PAK5: variants seen among roughly 807,000 people sequenced by gnomAD.
PAK5 encodes p21 (RAC1) activated kinase 5, also known as serine/threonine-protein kinase PAK 5.
Under a neutral mutation model 65.9 loss-of-function variants are expected in PAK5, and 16 were observed. The observed-to-expected ratio is 0.24, with a 90% CI of 0.16 to 0.37. The LOEUF (loss-of-function observed/expected upper bound fraction) is 0.37. Among genes scored for constraint, PAK5 ranks in the 10% least tolerant of loss-of-function variants. The pLI is 1.00. For missense variants in PAK5, 785 were observed against 903.9 expected (o/e 0.87, Z 1.69); for synonymous variants, 371 against 354.9 (o/e 1.05, Z -0.51).
chr20:9,630,541 A>C (rs987628465), intron 3 of PAK5, among the ~76,000 whole-genome samples: 4 of 152,226 alleles, frequency 2.6e-5, no homozygotes, highest in Non-Finnish European at 5.9e-5. Flanking sequence ...AAAGTTCTTA[A>C]GGAATTGTTT....
intron 1 of PAK5, among the ~76,000 whole-genome samples, chr20:9,766,058 C>G (rs1006453949): frequency 9.9e-5 from 15 of 151,692 alleles, no homozygotes; most frequent in African/African-American, 3.4e-4. Flanking sequence ...CCCGTTTCTA[C>G]TAAAAATACA....
At chr20:9,806,013 G>A (rs1243307075) in intron 1 of PAK5, among the ~76,000 whole-genome samples, 2 of 152,172 alleles carry the variant, frequency 1.3e-5, no homozygotes, top group African/African-American at 2.4e-5. Context: ...TGCCTAGGCT[G>A]GAGTGCAGTG....
At chr20:9,635,724 A>T (rs964122281) in intron 3 of PAK5, among the ~76,000 whole-genome samples, 9 of 152,218 alleles carry the variant, frequency 5.9e-5, no homozygotes, top group African/African-American at 2.2e-4. Context: ...TGCAAAAAAG[A>T]TGCTTCTAGC....
intron 1 of PAK5, among the ~76,000 whole-genome samples, chr20:9,770,029 C>T (rs370061555): frequency 7.9e-4 from 120 of 152,118 alleles, no homozygotes; most frequent in Middle Eastern, 6.8e-3. Flanking sequence ...CTGGAGAGGC[C>T]TAGAGTCAAA....
chr20:9,761,821 TA>T (rs2048703803), intron 1 of PAK5, among the ~76,000 whole-genome samples: 1 of 150,430 alleles, frequency 6.6e-6, no homozygotes, highest in African/African-American at 2.5e-5. Context: ...AATTTTTTTT[TA>T]AAATGGATTG....
chr20:9,715,168 C>T (rs958157609), intron 1 of PAK5, among the ~76,000 whole-genome samples: 10 of 152,022 alleles, frequency 6.6e-5, no homozygotes, highest in South Asian at 4.2e-4. Flanking sequence ...CTAATATCCA[C>T]AATCTACAAA....
chr20:9,611,535 T>A (rs2046560121), intron 3 of PAK5, among the ~76,000 whole-genome samples: 1 of 152,200 alleles, frequency 6.6e-6, no homozygotes, highest in Non-Finnish European at 1.5e-5. Flanking sequence ...TCTACAAAAT[T>A]ATCCATCTTT....
intron 1 of PAK5, among the ~76,000 whole-genome samples, chr20:9,749,719 A>G (rs2048552380): frequency 6.6e-6 from 1 of 152,210 alleles, no homozygotes; most frequent in African/African-American, 2.4e-5. Flanking sequence ...GTTCTGATCC[A>G]TGACAAGACA....
chr20:9,585,981 G>A (rs994617484), intron 3 of PAK5, among the ~76,000 whole-genome samples: 2 of 151,982 alleles, frequency 1.3e-5, no homozygotes, highest in African/African-American at 2.4e-5. Flanking sequence ...TAGAGAGAGA[G>A]AAAAAAGAGA....
intron 3 of PAK5, among the ~76,000 whole-genome samples, chr20:9,634,460 T>C (rs2046960091): frequency 6.6e-6 from 1 of 152,224 alleles, no homozygotes; most frequent in African/African-American, 2.4e-5. Flanking sequence ...AAGAAAATCT[T>C]AAAGTGGCTT....
At chr20:9,667,425 A>G (rs1234734936) in intron 2 of PAK5, among the ~76,000 whole-genome samples, 1 of 148,884 alleles carries the variant, frequency 6.7e-6, no homozygotes, top group Non-Finnish European at 1.5e-5. Flanking sequence ...TTGCTCTTGG[A>G]GTATTGAGTT....
intron 1 of PAK5, among the ~76,000 whole-genome samples, chr20:9,749,629 CA>C (rs1166173128): frequency 1.3e-4 from 20 of 152,128 alleles, no homozygotes; most frequent in African/African-American, 4.8e-4. Context: ...TTGATGTAAT[CA>C]CATGTATTTC....
At chr20:9,743,828 T>C (rs952657875) in intron 1 of PAK5, among the ~76,000 whole-genome samples, 3 of 152,162 alleles carry the variant, frequency 2.0e-5, no homozygotes, top group African/African-American at 7.2e-5. Context: ...ACGTCCTCAT[T>C]CCTGGAACGC....
chr20:9,749,524 C>A (rs1369325626), intron 1 of PAK5, among the ~76,000 whole-genome samples: 2 of 152,102 alleles, frequency 1.3e-5, no homozygotes, highest in East Asian at 3.9e-4. Flanking sequence ...TCATGGAAAG[C>A]AGACGATAAA....
chr20:9,646,317 C>A (rs1291647849), intron 2 of PAK5, among the ~76,000 whole-genome samples: 2 of 152,188 alleles, frequency 1.3e-5, no homozygotes, highest in East Asian at 1.9e-4. Context: ...CCATTCACAG[C>A]CTTCACTCCC....
intron 3 of PAK5, among the ~76,000 whole-genome samples, chr20:9,623,975 G>A (rs1290721934): frequency 6.6e-6 from 1 of 152,142 alleles, no homozygotes; most frequent in Non-Finnish European, 1.5e-5. Context: ...TCATTCTGGA[G>A]AGCCATCTGT....
intron 1 of PAK5, among the ~76,000 whole-genome samples, chr20:9,712,283 C>T (rs1485745585): frequency 6.6e-6 from 1 of 152,122 alleles, no homozygotes; most frequent in Non-Finnish European, 1.5e-5. Context: ...GCGGATTATA[C>T]AAATTCCCAA....
At chr20:9,620,917 T>C (rs2046755715) in intron 3 of PAK5, among the ~76,000 whole-genome samples, 1 of 149,838 alleles carries the variant, frequency 6.7e-6, no homozygotes, top group Non-Finnish European at 1.5e-5. Flanking sequence ...TATTAATATA[T>C]TGTAACCAAA....
At chr20:9,574,374 A>AC (rs919619879) in intron 4 of PAK5, among the ~76,000 whole-genome samples, 7 of 152,134 alleles carry the variant, frequency 4.6e-5, no homozygotes, top group African/African-American at 1.4e-4. Flanking sequence ...TATCCAATTA[A>AC]CCCCCCACAG....
Sources: gnomAD v4.1 joint callset for allele counts (sites outside exome capture counted in the v4.1 genomes callset) on GRCh38, gnomAD v4.1.1 for gene constraint, MANE v1.5 for transcripts, NCBI Gene and HGNC (gene_info 2026-07-23, HGNC 2026-07-21) for gene names.